CDH4: variants seen among roughly 807,000 people sequenced by gnomAD.
CDH4 encodes cadherin-4.
Under a neutral mutation model 86.0 loss-of-function variants are expected in CDH4, and 33 were observed. The observed-to-expected ratio is 0.38, with a 90% CI of 0.29 to 0.51. CDH4 has a LOEUF of 0.51. CDH4 is among the 20% of genes least tolerant of loss of function. CDH4 has a pLI of 0.86. For synonymous variants in CDH4, 555 were observed against 549.4 expected, an observed-to-expected ratio of 1.01 and a Z score of -0.14; for missense variants, 1,114 against 1,307.4, an observed-to-expected ratio of 0.85 and a Z score of 2.28.
chr20:61,845,436 G>A (rs1021042633), intron 5 of CDH4, among the ~76,000 whole-genome samples: 2 of 152,192 alleles, frequency 1.3e-5, no homozygotes, highest in African/African-American at 4.8e-5. Flanking sequence ...TTCTCCTCCC[G>A]GGCCGAACTG....
At chr20:61,512,684 C>T (rs1007629211) in intron 2 of CDH4, among the ~76,000 whole-genome samples, 2 of 152,210 alleles carry the variant, frequency 1.3e-5, no homozygotes, top group African/African-American at 4.8e-5. Context: ...TTCCAGGACT[C>T]ACCGTCTCAT....
intron 4 of CDH4, among the ~76,000 whole-genome samples, chr20:61,824,970 C>T (rs1296327822): frequency 6.6e-6 from 1 of 152,128 alleles, no homozygotes; most frequent in Non-Finnish European, 1.5e-5. Context: ...CCTGGGACCC[C>T]ACGGCCACTT....
chr20:61,861,464 A>G (rs1011507173), intron 6 of CDH4, among the ~76,000 whole-genome samples: 6 of 152,200 alleles, frequency 3.9e-5, no homozygotes, highest in Admixed American at 1.3e-4. Flanking sequence ...AGGGAAAGGC[A>G]AGACTTAGAG....
intron 2 of CDH4, among the ~76,000 whole-genome samples, chr20:61,647,289 G>A (rs777306729): frequency 9.2e-5 from 14 of 152,240 alleles, no homozygotes; most frequent in East Asian, 1.9e-4. Flanking sequence ...CCTTCCTTGC[G>A]GGTGGTACCT....
intron 2 of CDH4, among the ~76,000 whole-genome samples, chr20:61,649,078 G>A (rs2145812825): frequency 6.6e-6 from 1 of 152,302 alleles, no homozygotes; most frequent in South Asian, 2.1e-4. Flanking sequence ...TTTTAGCTCT[G>A]CCTTCAGCAT....
chr20:61,257,442 G>A (rs544744111), intron 2 of CDH4, among the ~76,000 whole-genome samples: 3 of 152,228 alleles, frequency 2.0e-5, no homozygotes, highest in South Asian at 2.1e-4. Context: ...TATGTATTAC[G>A]AACCTTCCGA....
chr20:61,755,970 A>G (rs1220669479), intron 3 of CDH4, among the ~76,000 whole-genome samples: 1 of 152,222 alleles, frequency 6.6e-6, no homozygotes, highest in Non-Finnish European at 1.5e-5. Flanking sequence ...ACCCAACTGC[A>G]TCACCCCAGG....
At chr20:61,785,572 GGCCCTCACCCAGGTGCGCAGA>G (rs1409260515) in intron 4 of CDH4, among the ~76,000 whole-genome samples, 6 of 151,808 alleles carry the variant, frequency 4.0e-5, no homozygotes, top group Non-Finnish European at 8.8e-5. Context: ...AGCTGGATAG[GGCCCTCACCCAGGTGCGCAGA>G]GCCCTCACCC....
At chr20:61,845,395 G>GGCT (rs764115928) in intron 5 of CDH4, among the ~76,000 whole-genome samples, 1 of 152,218 alleles carries the variant, frequency 6.6e-6, no homozygotes, top group Non-Finnish European at 1.5e-5. Flanking sequence ...AGAGACGTGG[G>GGCT]GCTGCGGCCT....
intron 2 of CDH4, among the ~76,000 whole-genome samples, chr20:61,624,065 G>A (rs1388866217): frequency 6.6e-6 from 1 of 152,192 alleles, no homozygotes; most frequent in African/African-American, 2.4e-5. Context: ...CAAGTATCCT[G>A]TTCTCTCTGG....
intron 4 of CDH4, among the ~76,000 whole-genome samples, chr20:61,830,745 G>A (rs115323263): frequency 0.02 from 3,097 of 152,344 alleles, 110 homozygotes; most frequent in African/African-American, 0.071. Context: ...AGGAGCGGGC[G>A]GCGCTGGCTT....
intron 2 of CDH4, among the ~76,000 whole-genome samples, chr20:61,714,860 G>A (rs1033840820): frequency 2.6e-5 from 4 of 152,238 alleles, no homozygotes; most frequent in African/African-American, 9.6e-5. Context: ...GAATTGTGCT[G>A]TGATAAACAT....
At chr20:61,305,371 C>G (rs2084410976) in intron 2 of CDH4, among the ~76,000 whole-genome samples, 2 of 152,102 alleles carry the variant, frequency 1.3e-5, no homozygotes, top group Admixed American at 1.3e-4. Flanking sequence ...TGCTGTGAAC[C>G]CCCTGGAAAT....
chr20:61,767,028 TC>T (rs1418429752), intron 3 of CDH4, among the ~76,000 whole-genome samples: 2 of 152,226 alleles, frequency 1.3e-5, no homozygotes, highest in Non-Finnish European at 2.9e-5. Flanking sequence ...GTCCTGGCCT[TC>T]CAAGCTTGAG....
In CDH4 at chr20:61,902,770, A is replaced by G. The variant is rs1489440699; in HGVS notation, c.1189-7652A>G. Among the ~76,000 whole-genome samples, 1 of 152,156 alleles carries G rather than the reference A, an allele frequency of 6.6e-6. No homozygotes were observed. The highest frequency in any genetic ancestry group is 2.4e-5 in the African/African-American group (1 of 41,446). On this transcript the variant is annotated intron_variant, in intron 8 of 15. Transcript: ENST00000614565. The surrounding 1 kb of genome is among the most constrained non-coding windows in gnomAD (Gnocchi z 4.6). ...GAGGCTACATAGGTGTCGTTTTGGG[A>G]ATATTTGAAGGAGGAAGATTCTAGC...
chr20:61,579,210 C>T (rs111938635), intron 2 of CDH4, among the ~76,000 whole-genome samples: 3 of 152,132 alleles, frequency 2.0e-5, no homozygotes, highest in African/African-American at 7.2e-5. Context: ...CACTTTACCC[C>T]ACTCGAGCAG....
At chr20:61,855,315 G>C (rs117827790) in intron 6 of CDH4, among the ~76,000 whole-genome samples, 7 of 152,174 alleles carry the variant, frequency 4.6e-5, no homozygotes, top group Non-Finnish European at 2.9e-5. Flanking sequence ...TATGACACAC[G>C]GGTGCATCCA....
intron 2 of CDH4, among the ~76,000 whole-genome samples, chr20:61,447,158 T>G (rs1020982207): frequency 6.6e-6 from 1 of 152,058 alleles, no homozygotes; most frequent in African/African-American, 2.4e-5. Context: ...TTTTTGTTTG[T>G]TTGCTTGTTT....
intron 2 of CDH4, among the ~76,000 whole-genome samples, chr20:61,506,389 A>G (rs2085741756): frequency 6.6e-6 from 1 of 152,196 alleles, no homozygotes; most frequent in Non-Finnish European, 1.5e-5. Flanking sequence ...CACATTTCCT[A>G]CCATTGGTGA....
Sources: gnomAD v4.1 joint callset for allele counts (sites outside exome capture counted in the v4.1 genomes callset) on GRCh38, gnomAD v4.1.1 for gene constraint, Gnocchi (gnomAD v3.1) non-coding constraint, MANE v1.5 for transcripts, NCBI Gene and HGNC (gene_info 2026-07-23, HGNC 2026-07-21) for gene names.